Variants in PCTP observed in about 807,000 individuals in gnomAD.
PCTP encodes the protein START domain-containing protein 2.
A neutral mutation model predicts 31.0 loss-of-function variants in PCTP; 27 were observed. The observed-to-expected ratio is 0.87, with a 90% CI of 0.64 to 1.20. The LOEUF is 1.20. PCTP is among the 50% of genes most tolerant of loss of function. PCTP has a pLI of 0.00. For missense variants in PCTP, 287 were observed against 268.2 expected, an observed-to-expected ratio of 1.07 and a Z score of -0.49; for synonymous variants, 108 against 101.2, an observed-to-expected ratio of 1.07 and a Z score of -0.40.
At chr17:55,788,255 A>G (rs1433405684) in intron 3 of PCTP, among the ~76,000 whole-genome samples, 1 of 152,224 alleles carries the variant, frequency 6.6e-6, no homozygotes, top group African/African-American at 2.4e-5. Flanking sequence ...AGTGTGTGTC[A>G]GAATATGCAT....
At chr17:55,788,944 A>G (rs750957613) in intron 3 of PCTP, among the ~76,000 whole-genome samples, 6 of 152,174 alleles carry the variant, frequency 3.9e-5, no homozygotes, top group Admixed American at 2.0e-4. Context: ...ATTGTGACAT[A>G]GTAGAAAGAA....
chr17:55,782,494 A>G (rs1416536223), intron 2 of PCTP, among the ~76,000 whole-genome samples: 1 of 152,218 alleles, frequency 6.6e-6, no homozygotes, highest in Non-Finnish European at 1.5e-5. Flanking sequence ...AGGAAATACT[A>G]TCTCCAACTT....
chr17:55,849,611 G>A, the PCTP span, among the ~76,000 whole-genome samples: 5 of 152,002 alleles, frequency 3.3e-5, no homozygotes, highest in African/African-American at 9.7e-5. Context: ...CAACAAGAGC[G>A]AAACTCTGTC....
chr17:55,819,138 G>T (rs1412945832), intron 3 of PCTP, among the ~76,000 whole-genome samples: 2 of 149,406 alleles, frequency 1.3e-5, no homozygotes, highest in Non-Finnish European at 3.0e-5. Flanking sequence ...TAACAAACTA[G>T]AAATAGAAGG....
At chr17:55,818,883 G>T (rs759453707) in intron 3 of PCTP, among the ~76,000 whole-genome samples, 1 of 151,848 alleles carries the variant, frequency 6.6e-6, no homozygotes, top group Non-Finnish European at 1.5e-5. Context: ...CGGTCAGAAG[G>T]GTGGCCAGGA....
chr17:55,796,267 G>A (rs1243249306), intron 3 of PCTP, among the ~76,000 whole-genome samples: 1 of 151,988 alleles, frequency 6.6e-6, no homozygotes, highest in Admixed American at 6.6e-5. Context: ...TTGTAAGCAA[G>A]AAGAGACTCT....
At chr17:55,794,488 A>C (rs1041396863) in intron 3 of PCTP, among the ~76,000 whole-genome samples, 1 of 151,824 alleles carries the variant, frequency 6.6e-6, no homozygotes, top group Non-Finnish European at 1.5e-5. Flanking sequence ...AAATAATTCT[A>C]TAAGAATTCT....
chr17:55,850,840 C>T, the PCTP span, among the ~76,000 whole-genome samples: 5 of 152,076 alleles, frequency 3.3e-5, no homozygotes, highest in East Asian at 5.8e-4. Flanking sequence ...GATTTTTCTC[C>T]GTATGAAATT....
chr17:55,804,950 A>AG (rs1190031538), intron 3 of PCTP, among the ~76,000 whole-genome samples: 3 of 152,184 alleles, frequency 2.0e-5, no homozygotes, highest in Admixed American at 1.3e-4. Context: ...TTTTAAAAAA[A>AG]CATTTTATAG....
At chr17:55,759,810 A>G (rs140623019) in intron 1 of PCTP, among the ~76,000 whole-genome samples, 2 of 152,250 alleles carry the variant, frequency 1.3e-5, no homozygotes, top group Non-Finnish European at 2.9e-5. Context: ...TCTACAGGAG[A>G]TTACTCCTGT....
chr17:55,779,448 A>G (rs1911481315), downstream of PCTP, among the ~76,000 whole-genome samples: 1 of 152,226 alleles, frequency 6.6e-6, no homozygotes, highest in African/African-American at 2.4e-5. Flanking sequence ...CTAAGGAGGA[A>G]GGACTCAGCA....
At chr17:55,849,983 G>A in the PCTP span, among the ~76,000 whole-genome samples, 1 of 151,986 alleles carries the variant, frequency 6.6e-6, no homozygotes, top group Non-Finnish European at 1.5e-5. Context: ...ATATTTATTA[G>A]TTTATATATA....
chr17:55,779,952 G>A (rs1911501768), downstream of PCTP, among the ~76,000 whole-genome samples: 1 of 152,170 alleles, frequency 6.6e-6, no homozygotes, highest in Admixed American at 6.5e-5. Context: ...CCACACATCT[G>A]CATCATGCAG....
intron 5 of PCTP, among the ~76,000 whole-genome samples, chr17:55,828,290 T>C (rs113269966): frequency 0.013 from 2,013 of 152,260 alleles, 35 homozygotes; most frequent in African/African-American, 0.046. Flanking sequence ...TCTCACAGTT[T>C]TGGGGGCTGG....
At chr17:55,771,057 G>A (rs1192773121) in intron 2 of PCTP, 49 bp from the exon 3 acceptor site, 1 of 1,400,324 alleles carries the variant, frequency 7.1e-7, no homozygotes, top group East Asian at 2.3e-5. Context: ...CTTATTAGTT[G>A]TAGCTAAAAA....
intron 3 of PCTP, among the ~76,000 whole-genome samples, chr17:55,801,078 G>A (rs1457091773): frequency 2.6e-5 from 4 of 152,128 alleles, no homozygotes; most frequent in African/African-American, 4.8e-5. Flanking sequence ...GCTGGGAGGT[G>A]TCTCCCAGTC....
At position 55,832,560 on chromosome 17, in the gene PCTP, A is replaced by G. The variant is rs1262813770; in HGVS notation, n.505+9633A>G. Reference sequence around the variant, plus strand: ...TTCTTACAAAGGCAAGAATGCCTGAATATTTGGTTGAAAGAGCATCGATGG... The same window carrying G: ...TTCTTACAAAGGCAAGAATGCCTGAGTATTTGGTTGAAAGAGCATCGATGG... On this transcript the variant is annotated intron_variant and non_coding_transcript_variant, in intron 5 of 5. Transcript: ENST00000576221. Among the ~76,000 whole-genome samples the G allele has an allele frequency of 2.0e-5, 3 of 152,280 alleles. No individual in the cohort carries two copies. The East Asian group carries it at 5.8e-4, about 29-fold the overall frequency.
rs766258691 is a variant in PCTP, at chr17:55,773,838, G to T, written c.454G>T (p.Val152Leu). 2 of 1,613,082 alleles carry T rather than the reference G, an allele frequency of 1.2e-6. No individual in the cohort carries two copies. The highest frequency in any genetic ancestry group is 2.2e-5 in the South Asian group (2 of 90,996). The change falls in exon 4 of 6, where the codon GTG becomes TTG. Residue 152 changes from valine (V) to leucine (L), a missense_variant. Transcript: ENST00000268896. ...QLGERSGVIR[V>L]KQYKQSLAIE... ...TGGCGAGAGGTCTGGGGTGATCCGGGTGAAGCAATACAAGCAGAGCCTGGC... is the reference window on the plus strand; with the variant it reads ...TGGCGAGAGGTCTGGGGTGATCCGGTTGAAGCAATACAAGCAGAGCCTGGC...
chr17:55,766,948 G>A (rs1188141272), intron 1 of PCTP, among the ~76,000 whole-genome samples: 2 of 152,106 alleles, frequency 1.3e-5, no homozygotes, highest in African/African-American at 4.8e-5. Flanking sequence ...TTTAATGATT[G>A]CCATTCTAAC....
Sources: gnomAD v4.1 joint callset for allele counts (sites outside exome capture counted in the v4.1 genomes callset) on GRCh38, gnomAD v4.1.1 for gene constraint, MANE v1.5 for transcripts, NCBI Gene and HGNC (gene_info 2026-07-23, HGNC 2026-07-21) for gene names.